Variants in ACER3 observed in about 807,000 individuals in gnomAD.
ACER3 encodes the protein alkaline ceramidase 3, also known as alkCDase 3.
ACER3 carries 16 observed loss-of-function variants against 48.9 expected under a neutral mutation model. That is an observed-to-expected ratio of 0.33 (90% CI 0.22 to 0.50). The LOEUF (loss-of-function observed/expected upper bound fraction) is 0.50, where lower values mean the gene tolerates loss of function less well. Among genes scored for constraint, ACER3 ranks in the 20% least tolerant of loss-of-function variants. The pLI is 0.98. For missense variants in ACER3, 227 were observed against 326.0 expected (o/e 0.70, Z 2.34); for synonymous variants, 109 against 107.8 (o/e 1.01, Z -0.07).
chr11:76,989,534 G>A (rs1948755953), intron 5 of ACER3, among the ~76,000 whole-genome samples: 1 of 152,124 alleles, frequency 6.6e-6, no homozygotes, highest in African/African-American at 2.4e-5. Flanking sequence ...AGTTTGAGTT[G>A]AATCCTAAAA....
intron 6 of ACER3, among the ~76,000 whole-genome samples, chr11:76,991,815 C>CAAAAAAAA (rs5792751): frequency 2.4e-5 from 3 of 123,288 alleles, no homozygotes; most frequent in Admixed American, 8.6e-5. Context: ...AACTCTGTCT[C>CAAAAAAAA]AAAAAAAAAA....
At chr11:76,865,393 C>A (rs1213332932) in intron 1 of ACER3, among the ~76,000 whole-genome samples, 1 of 152,070 alleles carries the variant, frequency 6.6e-6, no homozygotes, top group Admixed American at 6.6e-5. Context: ...TCCTTTAATG[C>A]AAAGTTTTTT....
chr11:76,949,897 G>A (rs1393290075), intron 2 of ACER3, among the ~76,000 whole-genome samples: 4 of 152,052 alleles, frequency 2.6e-5, no homozygotes, highest in East Asian at 1.9e-4. Flanking sequence ...TGCTAGGTTC[G>A]TCTTCCGTAA....
chr11:76,895,888 A>G (rs1014702603), intron 1 of ACER3, among the ~76,000 whole-genome samples: 3 of 152,238 alleles, frequency 2.0e-5, no homozygotes, highest in East Asian at 1.9e-4. Flanking sequence ...GCCTTATAAT[A>G]GAATACTATA....
intron 1 of ACER3, among the ~76,000 whole-genome samples, chr11:76,885,300 T>G (rs1945644782): frequency 1.3e-5 from 2 of 152,154 alleles, no homozygotes; most frequent in Non-Finnish European, 2.9e-5. Context: ...TTTTAAATTT[T>G]ACTGTAAGTT....
rs144801912 is a variant in ACER3, at chr11:77,001,844, A to G, written c.497+3023A>G. 1.5e-3 allele frequency among the ~76,000 whole-genome samples: 226 copies of G among 152,320 alleles called. 1 individual carries two copies. The highest frequency in any genetic ancestry group is 5.3e-3 in the African/African-American group (220 of 41,576). On this transcript the variant is annotated intron_variant, in intron 7 of 10. Coordinates refer to ENST00000532485, the MANE Select transcript of ACER3 (RefSeq NM_018367.7). Reference sequence around the variant, plus strand: ...CTAGTTTGATAGGGCTGCCACATATAATAAAATATCATTAGATTGGGTGGC... The same window carrying G: ...CTAGTTTGATAGGGCTGCCACATATGATAAAATATCATTAGATTGGGTGGC...
At chr11:76,935,999 A>G (rs1207678568) in intron 2 of ACER3, among the ~76,000 whole-genome samples, 3 of 152,164 alleles carry the variant, frequency 2.0e-5, no homozygotes, top group African/African-American at 7.2e-5. Flanking sequence ...AATTCCTAAA[A>G]CAACAACAAA....
chr11:76,957,720 G>GGT (rs1947879717), intron 2 of ACER3: 1 of 175,412 alleles, frequency 5.7e-6, no homozygotes, highest in Admixed American at 6.2e-5. Context: ...TGGGATTACA[G>GGT]GTGTGAGCCA....
At chr11:76,864,143 C>T (rs954851036) in intron 1 of ACER3, among the ~76,000 whole-genome samples, 1 of 152,170 alleles carries the variant, frequency 6.6e-6, no homozygotes, top group African/African-American at 2.4e-5. Flanking sequence ...TTTCAGCACC[C>T]GAAAACTGTC....
chr11:76,881,392 C>CT (rs1050330535), intron 1 of ACER3, among the ~76,000 whole-genome samples: 52 of 150,812 alleles, frequency 3.4e-4, no homozygotes, highest in East Asian at 2.1e-3. Context: ...ATTATACTAG[C>CT]TTTTTTTTTG....
intron 7 of ACER3, among the ~76,000 whole-genome samples, chr11:77,006,278 C>T (rs998409758): frequency 1.4e-4 from 22 of 151,778 alleles, no homozygotes; most frequent in Admixed American, 1.2e-3. Flanking sequence ...CGTGAGCCAC[C>T]GCGCCTGGCT....
At chr11:76,996,187 C>G (rs960699926) in intron 6 of ACER3, among the ~76,000 whole-genome samples, 8 of 152,064 alleles carry the variant, frequency 5.3e-5, no homozygotes, top group African/African-American at 1.9e-4. Flanking sequence ...AACCCTAAAT[C>G]TCTCTCTAAT....
intron 1 of ACER3, among the ~76,000 whole-genome samples, chr11:76,875,732 G>GTTGTTTT (rs1945357699): frequency 1.5e-5 from 1 of 67,078 alleles, no homozygotes; most frequent in African/African-American, 5.6e-5. Flanking sequence ...AGTTTTTGTT[G>GTTGTTTT]TTTTTTTTTT....
At chr11:76,868,511 T>C (rs1389803901) in intron 1 of ACER3, among the ~76,000 whole-genome samples, 1 of 151,400 alleles carries the variant, frequency 6.6e-6, no homozygotes, top group African/African-American at 2.4e-5. Flanking sequence ...ACTGTAGGCC[T>C]CAAAACAGGC....
intron 2 of ACER3, 32 bp downstream of exon 2, chr11:76,926,699 C>G: frequency 7.2e-7 from 1 of 1,397,690 alleles, no homozygotes; most frequent in South Asian, 1.2e-5. Flanking sequence ...AAGAAATGTA[C>G]AGTATTCAAA....
chr11:76,924,983 A>AAAAAAAC (rs1946786682), intron 1 of ACER3, among the ~76,000 whole-genome samples: 1 of 150,764 alleles, frequency 6.6e-6, no homozygotes. Flanking sequence ...CAAAAAAAAA[A>AAAAAAAC]AAAAAAAAAA....
chr11:76,867,468 CAAAAAAAA>C (rs1156610809), intron 1 of ACER3, among the ~76,000 whole-genome samples: 12 of 19,634 alleles, frequency 6.1e-4, no homozygotes, highest in East Asian at 1.7e-3. Flanking sequence ...GACTCTGTCT[CAAAAAAAA>C]AAAAAAAAAA....
intron 2 of ACER3, among the ~76,000 whole-genome samples, chr11:76,930,334 C>T (rs769301018): frequency 1.3e-5 from 2 of 151,968 alleles, no homozygotes; most frequent in South Asian, 2.1e-4. Flanking sequence ...TTTTTGATTG[C>T]ATCTATTTGA....
chr11:76,991,815 C>CAAAAAAA (rs5792751), intron 6 of ACER3, among the ~76,000 whole-genome samples: 4 of 123,280 alleles, frequency 3.2e-5, no homozygotes, highest in Non-Finnish European at 6.6e-5. Context: ...AACTCTGTCT[C>CAAAAAAA]AAAAAAAAAA....
Sources: allele counts gnomAD v4.1 joint callset (sites outside exome capture counted in the v4.1 genomes callset), GRCh38; gene constraint gnomAD v4.1.1; transcripts MANE v1.5; gene names NCBI Gene and HGNC (gene_info 2026-07-23, HGNC 2026-07-21).